Variants in KIAA1549 observed in about 807,000 individuals in gnomAD.
KIAA1549 encodes the protein KIAA1549.
KIAA1549 carries 70 observed loss-of-function variants against 156.4 expected under a neutral mutation model. The observed-to-expected ratio is 0.45, with a 90% CI of 0.37 to 0.55. The LOEUF (loss-of-function observed/expected upper bound fraction) is 0.55, where lower values mean the gene tolerates loss of function less well. Among genes scored for constraint, KIAA1549 ranks in the 20% least tolerant of loss-of-function variants. The probability of loss-of-function intolerance (pLI) is 0.00; values close to 1 mark genes in which losing one functional copy is unlikely to be tolerated. For missense variants in KIAA1549, 2,428 were observed against 2,540.9 expected, an observed-to-expected ratio of 0.96 and a Z score of 0.96; for synonymous variants, 1,103 against 1,066.4, an observed-to-expected ratio of 1.03 and a Z score of -0.67.
At chr7:138,922,503 A>AT (rs1465060179) in intron 1 of KIAA1549, among the ~76,000 whole-genome samples, 1 of 152,158 alleles carries the variant, frequency 6.6e-6, no homozygotes, top group African/African-American at 2.4e-5. Flanking sequence ...TATGAGACCC[A>AT]TTTTTTAAGG....
intron 1 of KIAA1549, among the ~76,000 whole-genome samples, chr7:138,966,104 A>G (rs1814016537): frequency 6.6e-6 from 1 of 152,114 alleles, no homozygotes; most frequent in Non-Finnish European, 1.5e-5. Context: ...TATCACTGTT[A>G]CGGGTTGAAC....
intron 1 of KIAA1549, among the ~76,000 whole-genome samples, chr7:138,979,003 C>T (rs1462472742): frequency 6.6e-6 from 1 of 152,202 alleles, no homozygotes; most frequent in African/African-American, 2.4e-5. Flanking sequence ...TCCTGCCTTT[C>T]CTGTCCGGGA....
rs1435238463 is a variant in KIAA1549, at chr7:138,838,091, C to T, written c.5668G>A (p.Glu1890Lys). 3 of 1,574,066 alleles carry T rather than the reference C, an allele frequency of 1.9e-6. No individual in the cohort carries two copies. The highest frequency in any genetic ancestry group is 2.6e-6 in the Non-Finnish European group (3 of 1,162,078). The stretch of plus-strand genomic sequence containing the variant: ...AGGTTCCCGGAAGGAGCTGAGGGCT[C>T]CCTGCCTGAAGTCCTTGGCACCTGA... The part of the protein sequence containing the change: ...LFQVPRTSGR[E>K]PSAPSGNLPH... Residue 1890 changes from glutamate to lysine, a missense_variant, in exon 20 of 20, where the codon GAG becomes AAG. Physicochemically the swap from Glu to Lys is moderately conservative, Grantham distance 56. Transcript: ENST00000422774.
At chr7:138,854,848 GAAC>G (rs1810338584) in intron 16 of KIAA1549, among the ~76,000 whole-genome samples, 1 of 152,048 alleles carries the variant, frequency 6.6e-6, no homozygotes, top group Non-Finnish European at 1.5e-5. Context: ...CAACACCTAT[GAAC>G]AATGAACAAA....
Position 138,844,476 on chromosome 7 carries a change from T to C in KIAA1549, c.5295-2A>G. The stretch of plus-strand genomic sequence containing the variant: ...AGCAAACCGGGGCCAAAACCTGGTC[T>C]GAAGGCAAAGCAAACCAGCACATCA... On this transcript the variant is annotated splice_acceptor_variant, in intron 17 of 19. Transcript: ENST00000422774. LOFTEE classifies it high-confidence loss of function. 6.6e-7 allele frequency: 1 copy of C among 1,526,108 alleles called. No individual in the cohort carries two copies. Among genetic ancestry groups the C allele is most frequent in the Non-Finnish European group, 8.8e-7 (1 of 1,139,930 alleles). The allele number at this position is 1,526,108 out of a possible 1,614,324, so 94.5% of individuals were successfully genotyped here.
intron 17 of KIAA1549, among the ~76,000 whole-genome samples, chr7:138,848,666 G>A (rs140600699): frequency 7.9e-5 from 12 of 152,022 alleles, no homozygotes; most frequent in East Asian, 3.9e-4. Context: ...CTTGTCCCTC[G>A]TATCAAGGTG....
intron 16 of KIAA1549, among the ~76,000 whole-genome samples, chr7:138,854,072 TA>T (rs955603983): frequency 1.3e-5 from 2 of 151,526 alleles, no homozygotes; most frequent in Non-Finnish European, 2.9e-5. Flanking sequence ...TGAAAAGGTT[TA>T]AAAAAAAATG....
At chr7:138,933,673 C>A (rs1384394164) in intron 1 of KIAA1549, among the ~76,000 whole-genome samples, 1 of 152,192 alleles carries the variant, frequency 6.6e-6, no homozygotes, top group Non-Finnish European at 1.5e-5. Flanking sequence ...GTCTAAAATT[C>A]TTGCAAAATA....
chr7:138,870,770 C>T (rs938358343), intron 13 of KIAA1549, among the ~76,000 whole-genome samples: 5 of 152,202 alleles, frequency 3.3e-5, no homozygotes, highest in South Asian at 4.1e-4. Flanking sequence ...GACACTGTAC[C>T]TTGCACTCAT....
intron 1 of KIAA1549, among the ~76,000 whole-genome samples, chr7:138,933,460 G>A (rs1420372445): frequency 6.6e-6 from 1 of 152,246 alleles, no homozygotes; most frequent in African/African-American, 2.4e-5. Flanking sequence ...AACTAAATGT[G>A]ATGTGCAAGT....
At chr7:138,856,661 C>T (rs1056958604) in intron 16 of KIAA1549, among the ~76,000 whole-genome samples, 15 of 152,212 alleles carry the variant, frequency 9.9e-5, no homozygotes, top group Non-Finnish European at 1.0e-4. Context: ...CCATAACCAT[C>T]GGCTTCTTGC....
chr7:138,838,609 C>T (rs1263253185), intron 19 of KIAA1549, among the ~76,000 whole-genome samples: 1 of 152,146 alleles, frequency 6.6e-6, no homozygotes, highest in East Asian at 1.9e-4. Context: ...CTGATATTTG[C>T]CGCATAGAGA....
intron 1 of KIAA1549, among the ~76,000 whole-genome samples, chr7:138,930,914 G>A (rs139685860): frequency 2.8e-3 from 422 of 152,202 alleles, no homozygotes; most frequent in African/African-American, 9.5e-3. Flanking sequence ...TCTTCCTCAC[G>A]TAATCATTTC....
intron 1 of KIAA1549, among the ~76,000 whole-genome samples, chr7:138,969,207 T>C (rs1248623239): frequency 6.6e-6 from 1 of 152,230 alleles, no homozygotes; most frequent in South Asian, 2.1e-4. Context: ...TTGAGTATAT[T>C]CACATTGTCG....
chr7:138,928,151 G>A (rs529642479), intron 1 of KIAA1549, among the ~76,000 whole-genome samples: 1 of 152,020 alleles, frequency 6.6e-6, no homozygotes, highest in African/African-American at 2.4e-5. Flanking sequence ...TCAATCTCCT[G>A]ACCTCGTGAT....
intron 10 of KIAA1549, among the ~76,000 whole-genome samples, 180 bp from the exon 11 acceptor site, chr7:138,881,764 C>A (rs1366878706): frequency 6.6e-6 from 1 of 152,170 alleles, no homozygotes; most frequent in East Asian, 1.9e-4. Flanking sequence ...AGAAGACAGG[C>A]ACTTGTGAAA....
intron 1 of KIAA1549, among the ~76,000 whole-genome samples, chr7:138,960,301 T>C (rs912276749): frequency 1.2e-5 from 1 of 85,282 alleles, no homozygotes; most frequent in Non-Finnish European, 2.4e-5. Flanking sequence ...ATTGATTTAT[T>C]GATTTATTTA....
At position 138,971,582 on chromosome 7, in the gene KIAA1549, C is replaced by T. The variant is rs573279293; in HGVS notation, c.187+9501G>A. Among the ~76,000 whole-genome samples, 10 of 152,252 alleles carry T rather than the reference C, an allele frequency of 6.6e-5. No homozygotes were observed. The East Asian group carries it at 1.9e-3, about 29-fold the overall frequency. On this transcript the variant is annotated intron_variant, in intron 1 of 19. Transcript: ENST00000422774. Reference sequence around the variant, plus strand: ...TATTTCACTCCTTGCACACACACAGCACCCTTCATGCCGCAGAAGCTGGCC... The same window carrying T: ...TATTTCACTCCTTGCACACACACAGTACCCTTCATGCCGCAGAAGCTGGCC...
chr7:138,951,797 A>G (rs1813507032), intron 1 of KIAA1549, among the ~76,000 whole-genome samples: 1 of 152,216 alleles, frequency 6.6e-6, no homozygotes, highest in African/African-American at 2.4e-5. Flanking sequence ...AAAAGAACAT[A>G]ATACATATGT....
Sources: gnomAD v4.1 joint callset for allele counts (sites outside exome capture counted in the v4.1 genomes callset) on GRCh38, gnomAD v4.1.1 for gene constraint, MANE v1.5 for transcripts, NCBI Gene and HGNC (gene_info 2026-07-23, HGNC 2026-07-21) for gene names.